Variants in TENM3 observed in about 807,000 individuals in gnomAD.
TENM3 encodes teneurin transmembrane protein 3.
A neutral mutation model predicts 255.1 loss-of-function variants in TENM3; 63 were observed. The observed-to-expected ratio is 0.25, with a 90% confidence interval of 0.20 to 0.30. The LOEUF (loss-of-function observed/expected upper bound fraction) is 0.30, where lower values mean the gene tolerates loss of function less well. Ranked by LOEUF, TENM3 falls within the 10% of genes least tolerant of loss-of-function variation. TENM3 has a pLI of 1.00. For missense variants in TENM3, 2,929 were observed against 3,461.1 expected, an observed-to-expected ratio of 0.85 and a Z score of 3.86; for synonymous variants, 1,306 against 1,322.3, an observed-to-expected ratio of 0.99 and a Z score of 0.27.
the TENM3 span, chr4:182,081,889 A>T: frequency 1.3e-5 from 2 of 152,164 alleles, no homozygotes; most frequent in African/African-American, 2.4e-5. Flanking sequence ...CACTGAACTG[A>T]GGCTTTTGTG....
the TENM3 span, among the ~76,000 whole-genome samples, chr4:182,043,097 C>G: frequency 6.6e-6 from 1 of 151,912 alleles, no homozygotes. Flanking sequence ...TTTTACATTT[C>G]CCCTAAGGGC....
the TENM3 span, among the ~76,000 whole-genome samples, chr4:181,480,078 T>G: frequency 6.6e-6 from 1 of 152,172 alleles, no homozygotes; most frequent in Admixed American, 6.5e-5. Flanking sequence ...CCAATATTTT[T>G]TCAGGATCAG....
At chr4:181,781,232 C>T in the TENM3 span, among the ~76,000 whole-genome samples, 114 of 152,186 alleles carry the variant, frequency 7.5e-4, no homozygotes, top group African/African-American at 2.6e-3. Flanking sequence ...ATTTTCACAA[C>T]ATTGATTCTT....
the TENM3 span, among the ~76,000 whole-genome samples, chr4:181,957,150 C>T: frequency 3.9e-5 from 6 of 152,110 alleles, no homozygotes; most frequent in African/African-American, 1.2e-4. Flanking sequence ...TGTTTCAGAG[C>T]GTTTGCTCTA....
At chr4:182,521,651 A>G (rs932046039) in intron 3 of TENM3, among the ~76,000 whole-genome samples, 1 of 152,248 alleles carries the variant, frequency 6.6e-6, no homozygotes, top group Non-Finnish European at 1.5e-5. Context: ...AATGAAAAGT[A>G]TAAAATATTT....
At chr4:182,285,950 T>C (rs973082514) in intron 1 of TENM3, among the ~76,000 whole-genome samples, 2 of 152,228 alleles carry the variant, frequency 1.3e-5, no homozygotes, top group Non-Finnish European at 2.9e-5. Flanking sequence ...CTGATCATCT[T>C]TCTGAAGCAG....
intron 1 of TENM3, among the ~76,000 whole-genome samples, chr4:182,259,373 T>C (rs35828476): frequency 0.19 from 29,151 of 152,182 alleles, 3,267 homozygotes; most frequent in Middle Eastern, 0.25. Flanking sequence ...AGTGTAGTGG[T>C]GCAAACATGG....
At chr4:182,259,552 A>G (rs1043529552) in intron 1 of TENM3, among the ~76,000 whole-genome samples, 2 of 152,132 alleles carry the variant, frequency 1.3e-5, no homozygotes, top group Non-Finnish European at 1.5e-5. Flanking sequence ...GACTCAAGCA[A>G]GCATTCTGCC....
At chr4:181,654,959 A>C in the TENM3 span, among the ~76,000 whole-genome samples, 1 of 152,148 alleles carries the variant, frequency 6.6e-6, no homozygotes, top group African/African-American at 2.4e-5. Context: ...ATAAAGTGAG[A>C]CCAGGTTTAG....
At chr4:181,564,032 TCTTTTTTC>T in the TENM3 span, among the ~76,000 whole-genome samples, 2,848 of 108,912 alleles carry the variant, frequency 0.026, 128 homozygotes, top group Admixed American at 0.09. Context: ...TCTTTTCTTT[TCTTTTTTC>T]TTTTTTTTTT....
At chr4:182,742,875 C>A (rs1561188277) in intron 18 of TENM3, among the ~76,000 whole-genome samples, 1 of 152,174 alleles carries the variant, frequency 6.6e-6, no homozygotes, top group Non-Finnish European at 1.5e-5. Context: ...CATGACTGAT[C>A]ATCACTGATG....
At chr4:181,584,045 C>A in the TENM3 span, among the ~76,000 whole-genome samples, 2 of 152,146 alleles carry the variant, frequency 1.3e-5, no homozygotes. Context: ...AGTGAGCACT[C>A]CTGTTTGCCT....
chr4:181,599,184 C>A, the TENM3 span, among the ~76,000 whole-genome samples: 1 of 152,122 alleles, frequency 6.6e-6, no homozygotes, highest in African/African-American at 2.4e-5. Context: ...ATAAAGGAAC[C>A]ACATTGAGCA....
intron 3 of TENM3, among the ~76,000 whole-genome samples, chr4:182,436,271 C>T (rs541795996): frequency 5.3e-4 from 81 of 152,252 alleles, no homozygotes; most frequent in Admixed American, 3.6e-3. Flanking sequence ...GACCGAGTTC[C>T]GAGTGCGTAA....
intron 1 of TENM3, among the ~76,000 whole-genome samples, chr4:182,315,407 G>T (rs1438396302): frequency 2.0e-5 from 3 of 148,000 alleles, no homozygotes; most frequent in African/African-American, 5.0e-5. Context: ...AAATTCTAGG[G>T]TTTTTTTTTT....
chr4:181,780,822 T>C, the TENM3 span, among the ~76,000 whole-genome samples: 1 of 152,236 alleles, frequency 6.6e-6, no homozygotes, highest in Admixed American at 6.5e-5. Context: ...AGGGATCCAG[T>C]TGCAGCTTTC....
At chr4:181,466,173 A>T in the TENM3 span, among the ~76,000 whole-genome samples, 1 of 143,140 alleles carries the variant, frequency 7.0e-6, no homozygotes, top group Non-Finnish European at 1.5e-5. Context: ...GCTAGAGTGT[A>T]ATGGTGCGAT....
intron 4 of TENM3, among the ~76,000 whole-genome samples, chr4:182,625,420 G>C (rs756904262): frequency 2.0e-5 from 3 of 152,168 alleles, no homozygotes; most frequent in Non-Finnish European, 4.4e-5. Context: ...AGGGATCGAG[G>C]TTGTGCGAGA....
chr4:182,378,355 G>A (rs1341325690), intron 3 of TENM3, among the ~76,000 whole-genome samples: 2 of 152,206 alleles, frequency 1.3e-5, no homozygotes, highest in Non-Finnish European at 2.9e-5. Context: ...CCTCGCACAA[G>A]TGAACCACAA....
Sources: gnomAD v4.1 joint callset for allele counts (sites outside exome capture counted in the v4.1 genomes callset) on GRCh38, gnomAD v4.1.1 for gene constraint, MANE v1.5 for transcripts, NCBI Gene and HGNC (gene_info 2026-07-23, HGNC 2026-07-21) for gene names.